LRMDA: variants seen among roughly 807,000 people sequenced by gnomAD.
LRMDA encodes leucine-rich melanocyte differentiation-associated protein.
Under a neutral mutation model 29.8 loss-of-function variants are expected in LRMDA, and 18 were observed. The ratio of observed to expected loss-of-function variants is 0.60; its 90% CI spans 0.42 to 0.90. The LOEUF (loss-of-function observed/expected upper bound fraction) is 0.90. Among genes scored for constraint, LRMDA ranks in the 40% least tolerant of loss-of-function variants. The probability of loss-of-function intolerance (pLI) is 0.00; values close to 1 mark genes in which losing one functional copy is unlikely to be tolerated. For synonymous variants in LRMDA, 125 were observed against 109.4 expected, an observed-to-expected ratio of 1.14 and a Z score of -0.89; for missense variants, 273 against 273.9, an observed-to-expected ratio of 1.00 and a Z score of 0.02.
intron 6 of LRMDA, among the ~76,000 whole-genome samples, chr10:76,417,958 T>C (rs1469713563): frequency 6.6e-6 from 1 of 152,190 alleles, no homozygotes; most frequent in East Asian, 1.9e-4. Flanking sequence ...ATTGTCTTCA[T>C]ATATGTGAAG....
chr10:75,545,927 A>G (rs973825697), intron 2 of LRMDA, among the ~76,000 whole-genome samples: 6 of 152,192 alleles, frequency 3.9e-5, no homozygotes, highest in African/African-American at 1.4e-4. Context: ...AAGTAGGATT[A>G]TAGTTTATAA....
At chr10:75,671,777 A>G (rs1415858573) in intron 2 of LRMDA, among the ~76,000 whole-genome samples, 1 of 152,142 alleles carries the variant, frequency 6.6e-6, no homozygotes, top group Admixed American at 6.5e-5. Flanking sequence ...CCCAGAACTT[A>G]AAGTATAATA....
chr10:76,137,026 C>T (rs11001629), intron 5 of LRMDA, among the ~76,000 whole-genome samples: 22,152 of 152,176 alleles, frequency 0.15, 1,999 homozygotes, highest in Admixed American at 0.23. Context: ...CCTTAGGCCA[C>T]CTTACACCAA....
chr10:75,934,599 G>A (rs1846256721), intron 2 of LRMDA, among the ~76,000 whole-genome samples: 2 of 152,150 alleles, frequency 1.3e-5, no homozygotes, highest in Non-Finnish European at 2.9e-5. Context: ...AGGCAGTGAG[G>A]GCATAAAGGG....
At chr10:76,414,266 C>G (rs1841992151) in intron 6 of LRMDA, among the ~76,000 whole-genome samples, 2 of 152,280 alleles carry the variant, frequency 1.3e-5, no homozygotes, top group South Asian at 4.1e-4. Flanking sequence ...TAAGGTATCA[C>G]TAATATTTAT....
intron 6 of LRMDA, among the ~76,000 whole-genome samples, chr10:76,539,502 G>A (rs1260244345): frequency 6.6e-6 from 1 of 152,172 alleles, no homozygotes; most frequent in Non-Finnish European, 1.5e-5. Context: ...TATCCACCCT[G>A]AGTTGAGGTG....
intron 5 of LRMDA, among the ~76,000 whole-genome samples, chr10:76,068,681 C>T (rs993914165): frequency 6.6e-5 from 10 of 152,260 alleles, no homozygotes; most frequent in African/African-American, 1.4e-4. Context: ...TCTGTAGCCC[C>T]GGGATTGGTG....
intron 5 of LRMDA, among the ~76,000 whole-genome samples, chr10:76,209,800 C>G (rs1047392882): frequency 6.6e-6 from 1 of 152,032 alleles, no homozygotes; most frequent in African/African-American, 2.4e-5. Context: ...GAGAGAGTGT[C>G]CTATAGCACC....
intron 2 of LRMDA, among the ~76,000 whole-genome samples, chr10:75,852,755 C>A (rs1341292017): frequency 6.6e-6 from 1 of 152,108 alleles, no homozygotes; most frequent in Non-Finnish European, 1.5e-5. Flanking sequence ...TAGGCGGTAG[C>A]TCCTGAGACT....
intron 2 of LRMDA, among the ~76,000 whole-genome samples, chr10:75,470,117 G>C (rs982408637): frequency 6.6e-6 from 1 of 152,214 alleles, no homozygotes; most frequent in African/African-American, 2.4e-5. Flanking sequence ...TTGAGGACCA[G>C]GTCAGAAACC....
chr10:76,519,833 GT>G, intron 6 of LRMDA, among the ~76,000 whole-genome samples: 5 of 151,944 alleles, frequency 3.3e-5, no homozygotes, highest in Admixed American at 3.3e-4. Flanking sequence ...TGTTAATAAT[GT>G]TTGCTTTTAT....
chr10:76,174,388 GA>G (rs1199287941), intron 5 of LRMDA, among the ~76,000 whole-genome samples: 15 of 152,176 alleles, frequency 9.9e-5, no homozygotes, highest in African/African-American at 3.6e-4. Context: ...AAGTTTTAAA[GA>G]TTTTTTTGTA....
chr10:75,555,036 G>A (rs149332152), intron 2 of LRMDA, among the ~76,000 whole-genome samples: 24 of 152,266 alleles, frequency 1.6e-4, no homozygotes, highest in Non-Finnish European at 1.9e-4. Context: ...AGTCCTGAGG[G>A]GCTGGGATTT....
intron 5 of LRMDA, among the ~76,000 whole-genome samples, chr10:76,224,271 G>GAAAAAAAAA (rs941111923): frequency 7.1e-6 from 1 of 141,338 alleles, no homozygotes. Flanking sequence ...TATAAGCACT[G>GAAAAAAAAA]AAAAAAAAAA....
At chr10:75,796,961 G>A (rs1045889176) in intron 2 of LRMDA, among the ~76,000 whole-genome samples, 1 of 152,180 alleles carries the variant, frequency 6.6e-6, no homozygotes, top group Non-Finnish European at 1.5e-5. Flanking sequence ...AAGATTTAGG[G>A]ATAAGGGTTA....
intron 2 of LRMDA, among the ~76,000 whole-genome samples, chr10:75,834,827 C>T (rs1335481725): frequency 6.6e-6 from 1 of 152,156 alleles, no homozygotes; most frequent in Non-Finnish European, 1.5e-5. Flanking sequence ...TGGGTATTCT[C>T]TAAGACAGTG....
At position 75,834,241 on chromosome 10, in the gene LRMDA, A is replaced by T. The variant is rs148253573; in HGVS notation, c.132-201767A>T. ...ATTCCATGAGACAAAAGGGTCCTCC[A>T]TAGCTTTTTCTGGATAATTCTATGT... On this transcript the variant is annotated intron_variant, in intron 2 of 6. Coordinates refer to ENST00000611255, the MANE Select transcript of LRMDA (RefSeq NM_001305581.2). Among the ~76,000 whole-genome samples, 142 of 152,308 alleles carry T rather than the reference A, an allele frequency of 9.3e-4. 1 individual carries two copies. The East Asian group carries it at 0.022, about 23-fold the overall frequency.
chr10:75,505,066 G>A lies in LRMDA; in HGVS notation c.131+66572G>A, dbSNP rs114075627. Among the ~76,000 whole-genome samples, 930 of 152,182 alleles carry A rather than the reference G, an allele frequency of 6.1e-3. 17 individuals carry two copies. Among genetic ancestry groups the A allele is most frequent in the African/African-American group, 0.021 (883 of 41,520 alleles). ...AGATAGGTTATGGGAAAGAGAGGAAGGAGTCCAGGATCACACCTGAGTGCC... is the reference window on the plus strand; with the variant it reads ...AGATAGGTTATGGGAAAGAGAGGAAAGAGTCCAGGATCACACCTGAGTGCC... On this transcript the variant is annotated intron_variant, in intron 2 of 6. Coordinates refer to ENST00000611255, the MANE Select transcript of LRMDA (RefSeq NM_001305581.2).
chr10:76,498,878 C>T lies in LRMDA; in HGVS notation c.602-58331C>T, dbSNP rs527300229. Reference sequence around the variant, plus strand: ...TGAGGGAGACTCTTTGGTTCTCCAGCGGACAAAAGAAGACAGCTAACAAAT... The same window carrying T: ...TGAGGGAGACTCTTTGGTTCTCCAGTGGACAAAAGAAGACAGCTAACAAAT... On this transcript the variant is annotated intron_variant, in intron 6 of 6. Transcript: ENST00000611255. Among the ~76,000 whole-genome samples the T allele has an allele frequency of 4.6e-4, 34 of 74,474 alleles. 11 individuals carry two copies. The highest frequency in any genetic ancestry group is 3.9e-3 in the South Asian group (11 of 2,812). 48.9% of individuals were successfully genotyped at this position (74,474 alleles called of 152,430 possible). A position where few individuals can be genotyped will look rare whatever the true frequency, so the allele number is the denominator to read the frequency against.
Sources: gnomAD v4.1 joint callset for allele counts (sites outside exome capture counted in the v4.1 genomes callset) on GRCh38, gnomAD v4.1.1 for gene constraint, MANE v1.5 for transcripts, NCBI Gene and HGNC (gene_info 2026-07-23, HGNC 2026-07-21) for gene names.